The following MCTP2 variants were observed in gnomAD, a reference collection of about 807,000 sequenced individuals.
The protein encoded by MCTP2 is multiple C2 and transmembrane domain containing 2, also known as multiple C2 and transmembrane domain-containing protein 2.
In MCTP2, 132 loss-of-function variants were observed where a neutral mutation model predicts 111.6. The observed-to-expected ratio is 1.18, with a 90% CI of 1.03 to 1.37. The LOEUF (loss-of-function observed/expected upper bound fraction) is 1.37, where lower values mean the gene tolerates loss of function less well. MCTP2 is among the 40% of genes most tolerant of loss of function. MCTP2 has a pLI of 0.00. For synonymous variants in MCTP2, 395 were observed against 387.7 expected, an observed-to-expected ratio of 1.02 and a Z score of -0.22; for missense variants, 1,183 against 1,067.9, an observed-to-expected ratio of 1.11 and a Z score of -1.50.
rs775795184 is a variant in MCTP2, at chr15:94,470,399, C to G, written c.2427C>G (p.Ile809Met). 6.2e-7 allele frequency: 1 copy of G among 1,613,870 alleles called. No homozygotes were observed. The highest frequency in any genetic ancestry group is 1.7e-5 in the Admixed American group (1 of 60,024). Reference sequence around the variant, plus strand: ...GTTTGATTCTGGCAGCAGCCACCATCATTTTGTATTTCATTCCACTGCGGT... The same window carrying G: ...GTTTGATTCTGGCAGCAGCCACCATGATTTTGTATTTCATTCCACTGCGGT... Reference protein sequence around the residue: ...LACLILAAATIILYFIPLRYI... With the variant: ...LACLILAAATMILYFIPLRYI... The change falls in exon 21 of 23, where the codon ATC becomes ATG. Residue 809 changes from isoleucine to methionine, a missense_variant. Ile to Met is a conservative substitution (Grantham distance 10). Coordinates refer to ENST00000357742, the MANE Select transcript of MCTP2 (RefSeq NM_001385001.1).
intron 2 of MCTP2, among the ~76,000 whole-genome samples, chr15:94,313,425 G>A (rs770624362): frequency 5.9e-5 from 9 of 152,132 alleles, no homozygotes; most frequent in East Asian, 3.9e-4. Flanking sequence ...CATAGGGGCC[G>A]GGCATGGTGG....
At chr15:94,276,051 A>T (rs373939090) in intron 1 of MCTP2, among the ~76,000 whole-genome samples, 2 of 151,908 alleles carry the variant, frequency 1.3e-5, no homozygotes, top group African/African-American at 4.8e-5. Flanking sequence ...TCACCGTGTT[A>T]GCCAGGATGG....
intron 21 of MCTP2, 146 bp downstream of exon 21, chr15:94,470,588 C>T (rs918899958): frequency 4.5e-6 from 3 of 660,676 alleles, no homozygotes; most frequent in Non-Finnish European, 8.0e-6. Context: ...ACAAAAACTT[C>T]CAGGACCTCC....
rs370970175 is a variant in MCTP2, at chr15:94,331,926, G to C, written c.638-7364G>C. On this transcript the variant is annotated intron_variant, in intron 4 of 22. Coordinates refer to ENST00000357742, the MANE Select transcript of MCTP2 (RefSeq NM_001385001.1). ...CTGGGGAAGAAACTGTTCTGTGGTT[G>C]GTATCAAAAACAGCTGTGAGAAGCA... is the stretch of plus-strand genomic sequence containing the variant. 2.6e-5 allele frequency among the ~76,000 whole-genome samples: 4 copies of C among 152,126 alleles called. No homozygotes were observed. The East Asian group carries it at 7.7e-4, about 29-fold the overall frequency.
chr15:94,392,689 G>T (rs796566465), intron 14 of MCTP2, among the ~76,000 whole-genome samples: 1 of 151,810 alleles, frequency 6.6e-6, no homozygotes, highest in Admixed American at 6.6e-5. Flanking sequence ...GGTGGCATGC[G>T]CCTGTAATCC....
intron 20 of MCTP2, among the ~76,000 whole-genome samples, chr15:94,468,164 C>A (rs572767259): frequency 1.2e-4 from 18 of 151,924 alleles, no homozygotes; most frequent in Admixed American, 2.6e-4. Flanking sequence ...TATTGGAAAT[C>A]ACTGAGGAAA....
At chr15:94,315,109 G>A (rs767815464) in intron 3 of MCTP2, among the ~76,000 whole-genome samples, 3 of 152,114 alleles carry the variant, frequency 2.0e-5, no homozygotes, top group Admixed American at 2.0e-4. Context: ...AGAACAGGAC[G>A]GGGCATCTTA....
intron 8 of MCTP2, 117 bp downstream of exon 8, chr15:94,345,281 C>T (rs1189348849): frequency 2.0e-6 from 2 of 1,000,262 alleles, no homozygotes; most frequent in East Asian, 2.8e-5. Context: ...AATTCTTTTC[C>T]TCTTACTGCT....
chr15:94,278,355 G>A (rs2074316630), intron 1 of MCTP2: 1 of 152,128 alleles, frequency 6.6e-6, no homozygotes, highest in Non-Finnish European at 1.5e-5. Flanking sequence ...GTACCTGATA[G>A]GGATGGCATA....
intron 20 of MCTP2, 39 bp downstream of exon 20, chr15:94,458,285 C>T (rs1223224631): frequency 8.2e-7 from 1 of 1,221,760 alleles, no homozygotes; most frequent in Admixed American, 1.7e-5. Flanking sequence ...TGCAGTAGAC[C>T]TGCTATCCAC....
chr15:94,346,900 G>GT (rs1025847922), intron 8 of MCTP2, among the ~76,000 whole-genome samples: 1 of 143,984 alleles, frequency 6.9e-6, no homozygotes, highest in Admixed American at 7.2e-5. Context: ...GAACTGAGCT[G>GT]TTTGTCTTTT....
intron 8 of MCTP2, among the ~76,000 whole-genome samples, chr15:94,351,155 C>G (rs190050966): frequency 2.1e-4 from 32 of 152,312 alleles, no homozygotes; most frequent in Admixed American, 1.6e-3. Context: ...ATTGCAACTT[C>G]TGTGGACTTT....
intron 17 of MCTP2, among the ~76,000 whole-genome samples, chr15:94,407,774 T>C (rs2081971540): frequency 1.1e-5 from 1 of 95,126 alleles, no homozygotes; most frequent in Non-Finnish European, 2.1e-5. Flanking sequence ...CATGTACTTG[T>C]GCACACACAC....
At chr15:94,409,944 C>T (rs1283936334) in intron 17 of MCTP2, among the ~76,000 whole-genome samples, 3 of 149,378 alleles carry the variant, frequency 2.0e-5, no homozygotes, top group African/African-American at 7.4e-5. Context: ...CTCTACTCTG[C>T]CTCTCTCCAG....
intron 4 of MCTP2, among the ~76,000 whole-genome samples, chr15:94,322,013 A>T (rs1435892980): frequency 6.6e-5 from 10 of 152,210 alleles, no homozygotes; most frequent in African/African-American, 2.4e-4. Flanking sequence ...GAGGTGAAAG[A>T]CCAGGGTTTG....
At chr15:94,474,836 G>A (rs957121153) in intron 21 of MCTP2, among the ~76,000 whole-genome samples, 4 of 148,536 alleles carry the variant, frequency 2.7e-5, no homozygotes, top group Admixed American at 6.8e-5. Context: ...TGCAATCTGA[G>A]TGCCCTATAA....
chr15:94,472,757 C>G (rs2152542205), intron 21 of MCTP2, among the ~76,000 whole-genome samples: 1 of 152,270 alleles, frequency 6.6e-6, no homozygotes, highest in Admixed American at 6.5e-5. Flanking sequence ...GATCTATTGC[C>G]TCTTCTCATT....
intron 17 of MCTP2, 48 bp from the exon 18 acceptor site, chr15:94,440,128 C>G: frequency 1.9e-6 from 3 of 1,603,532 alleles, no homozygotes; most frequent in Non-Finnish European, 2.6e-6. Context: ...GATTGCTCCC[C>G]TAGTGTTTTA....
At chr15:94,407,426 AAG>A (rs2081955128) in intron 17 of MCTP2, among the ~76,000 whole-genome samples, 1 of 152,230 alleles carries the variant, frequency 6.6e-6, no homozygotes, top group African/African-American at 2.4e-5. Flanking sequence ...TTGATCTAAA[AAG>A]TAATCTAAAT....
Sources: allele counts gnomAD v4.1 joint callset (sites outside exome capture counted in the v4.1 genomes callset), GRCh38; gene constraint gnomAD v4.1.1; transcripts MANE v1.5; gene names NCBI Gene and HGNC (gene_info 2026-07-23, HGNC 2026-07-21).